Variants in TASP1 observed in about 807,000 individuals in gnomAD.
TASP1 encodes taspase 1.
TASP1 carries 16 observed loss-of-function variants against 56.6 expected under a neutral mutation model. The observed-to-expected ratio is 0.28, with a 90% confidence interval of 0.19 to 0.43. The LOEUF is 0.43. TASP1 is among the 20% of genes least tolerant of loss of function. The pLI, the probability that TASP1 is intolerant of heterozygous loss-of-function variation, is 1.00. For synonymous variants in TASP1, 179 were observed against 184.2 expected (o/e 0.97, Z 0.23); for missense variants, 393 against 511.6 (o/e 0.77, Z 2.24).
the TASP1 span, among the ~76,000 whole-genome samples, chr20:13,319,806 G>T: frequency 6.6e-6 from 1 of 152,184 alleles, no homozygotes; most frequent in Non-Finnish European, 1.5e-5. Context: ...TTGTCCCTGG[G>T]CCTGCAGCAG....
chr20:13,121,134 G>A, the TASP1 span, among the ~76,000 whole-genome samples: 4 of 152,284 alleles, frequency 2.6e-5, no homozygotes, highest in East Asian at 7.7e-4. Context: ...CTTTTCCCCA[G>A]GCAAGGATCT....
chr20:13,398,755 G>T lies in TASP1; in HGVS notation c.1171-8303C>A, dbSNP rs139058914. On this transcript the variant is annotated intron_variant, in intron 13 of 13. Transcript: ENST00000337743. Reference sequence around the variant, plus strand: ...CATTTTAAAGAAAAATGTCTATGAAGTGTTTTGGATATAAAGTGAAGCAGC... The same window carrying T: ...CATTTTAAAGAAAAATGTCTATGAATTGTTTTGGATATAAAGTGAAGCAGC... Among the ~76,000 whole-genome samples the T allele has an allele frequency of 2.1e-3, 313 of 152,230 alleles. 1 individual carries two copies. Among genetic ancestry groups the T allele is most frequent in the Middle Eastern group, 6.8e-3 (2 of 294 alleles).
chr20:13,217,553 GA>G, the TASP1 span, among the ~76,000 whole-genome samples: 3 of 151,838 alleles, frequency 2.0e-5, no homozygotes, highest in African/African-American at 7.3e-5. Context: ...CTGCCTGTAA[GA>G]TAAATGGGAC....
At position 13,623,519 on chromosome 20, in the gene TASP1, G is replaced by A. The variant is rs1421728762; in HGVS notation, c.214-5C>T. 1 of 1,580,264 alleles carries A rather than the reference G, an allele frequency of 6.3e-7. No individual in the cohort carries two copies. The highest frequency in any genetic ancestry group is 8.7e-7 in the Non-Finnish European group (1 of 1,150,090). On this transcript the variant is annotated splice_polypyrimidine_tract_variant and splice_region_variant and intron_variant, in intron 3 of 13. Transcript: ENST00000337743. Reference sequence around the variant, plus strand: ...GGCCTGCAGCTTTTCAATTGCCTATGAAACCAAGGGGAGAGATTATTCATT... The same window carrying A: ...GGCCTGCAGCTTTTCAATTGCCTATAAAACCAAGGGGAGAGATTATTCATT...
chr20:13,417,444 T>C lies in TASP1; in HGVS notation c.1170+4A>G. On this transcript the variant is annotated splice_donor_region_variant and intron_variant, in intron 13 of 13. Coordinates refer to ENST00000337743, the MANE Select transcript of TASP1 (RefSeq NM_017714.3). ...TCAGGTTATGACCGTTTTTTCCCAC[T>C]TACCTTGGCTTTCCCATCCTGGGCT... 6.2e-7 allele frequency: 1 copy of C among 1,614,126 alleles called. No homozygotes were observed.
At chr20:13,356,173 A>T in the TASP1 span, among the ~76,000 whole-genome samples, 1 of 152,188 alleles carries the variant, frequency 6.6e-6, no homozygotes, top group Admixed American at 6.5e-5. Flanking sequence ...CCATATCTTG[A>T]TTTGAGGATG....
At chr20:13,459,411 T>A (rs1238542146) in intron 11 of TASP1, among the ~76,000 whole-genome samples, 1 of 152,150 alleles carries the variant, frequency 6.6e-6, no homozygotes, top group Non-Finnish European at 1.5e-5. Context: ...ATTAATTCTC[T>A]GCAGAAACCA....
intron 8 of TASP1, among the ~76,000 whole-genome samples, chr20:13,554,559 GTTTTT>G (rs780921702): frequency 3.3e-5 from 5 of 150,898 alleles, no homozygotes; most frequent in Non-Finnish European, 7.4e-5. Flanking sequence ...AATTTATCTA[GTTTTT>G]TTTTCACACT....
chr20:13,174,901 T>C, the TASP1 span, among the ~76,000 whole-genome samples: 1 of 152,140 alleles, frequency 6.6e-6, no homozygotes, highest in Non-Finnish European at 1.5e-5. Flanking sequence ...ATGGGGGCAG[T>C]ACCCCCATAT....
chr20:13,270,717 A>C, the TASP1 span: 3 of 1,613,914 alleles, frequency 1.9e-6, no homozygotes, highest in Non-Finnish European at 2.5e-6. Context: ...CAAAGCTGAT[A>C]TCAATGGGCA....
chr20:13,636,710 C>A (rs1468201445), intron 1 of TASP1, among the ~76,000 whole-genome samples: 1 of 152,014 alleles, frequency 6.6e-6, no homozygotes, highest in Non-Finnish European at 1.5e-5. Context: ...CAATAACCTA[C>A]ACTTTTATGA....
chr20:13,246,804 C>T, the TASP1 span, among the ~76,000 whole-genome samples: 138 of 152,280 alleles, frequency 9.1e-4, no homozygotes, highest in Non-Finnish European at 1.4e-3. Context: ...AATGTAAAAC[C>T]ACCTGACTGA....
chr20:13,412,469 C>T (rs935012150), intron 13 of TASP1, among the ~76,000 whole-genome samples: 2 of 152,172 alleles, frequency 1.3e-5, no homozygotes, highest in African/African-American at 4.8e-5. Context: ...AGCTCATTCA[C>T]ATAGTTGGGA....
At chr20:13,223,423 G>A in the TASP1 span, among the ~76,000 whole-genome samples, 1 of 152,122 alleles carries the variant, frequency 6.6e-6, no homozygotes, top group African/African-American at 2.4e-5. Flanking sequence ...ACAAGACATG[G>A]TACTGTTAAT....
At chr20:13,127,619 G>A in the TASP1 span, among the ~76,000 whole-genome samples, 1 of 152,198 alleles carries the variant, frequency 6.6e-6, no homozygotes, top group African/African-American at 2.4e-5. Context: ...ATATAAAACA[G>A]ATAAGAACAA....
chr20:13,294,946 T>C, the TASP1 span, among the ~76,000 whole-genome samples: 1 of 152,178 alleles, frequency 6.6e-6, no homozygotes, highest in Non-Finnish European at 1.5e-5. Context: ...CTGTTTAGCA[T>C]GCGATCCCAC....
At chr20:13,135,153 A>C in the TASP1 span, among the ~76,000 whole-genome samples, 1 of 152,222 alleles carries the variant, frequency 6.6e-6, no homozygotes, top group African/African-American at 2.4e-5. Context: ...CCTTAGGATA[A>C]ATAGGGTAGC....
the TASP1 span, among the ~76,000 whole-genome samples, chr20:13,137,781 C>A: frequency 6.6e-6 from 1 of 152,302 alleles, no homozygotes; most frequent in African/African-American, 2.4e-5. Context: ...GCAATCCAGG[C>A]CTTCCGTGAT....
At chr20:13,202,927 T>C in the TASP1 span, among the ~76,000 whole-genome samples, 1 of 152,238 alleles carries the variant, frequency 6.6e-6, no homozygotes, top group East Asian at 1.9e-4. Context: ...TAGTTCACTA[T>C]GTACACAGAA....
Sources: gnomAD v4.1 joint callset for allele counts (sites outside exome capture counted in the v4.1 genomes callset) on GRCh38, gnomAD v4.1.1 for gene constraint, MANE v1.5 for transcripts, NCBI Gene and HGNC (gene_info 2026-07-23, HGNC 2026-07-21) for gene names.